SEPTIN9: variants seen among roughly 807,000 people sequenced by gnomAD.
The protein encoded by SEPTIN9 is septin-9.
In SEPTIN9, 13 loss-of-function variants were observed where a neutral mutation model predicts 56.6. That is an observed-to-expected ratio of 0.23 (90% CI 0.15 to 0.37). The LOEUF (loss-of-function observed/expected upper bound fraction) is 0.37. Ranked by LOEUF, SEPTIN9 falls within the 10% of genes least tolerant of loss-of-function variation. The pLI is 1.00. For synonymous variants in SEPTIN9, 332 were observed against 334.1 expected (o/e 0.99, Z 0.07); for missense variants, 650 against 823.1 (o/e 0.79, Z 2.57).
chr17:77,385,164 CT>C (rs530528683), intron 2 of SEPTIN9, among the ~76,000 whole-genome samples: 48,910 of 123,218 alleles, frequency 0.4, 8,769 homozygotes, highest in Non-Finnish European at 0.44. Context: ...AGACCCCCAC[CT>C]TTTTTTTTTT....
At chr17:77,395,074 T>G (rs79691948) in intron 2 of SEPTIN9, among the ~76,000 whole-genome samples, 43 of 127,482 alleles carry the variant, frequency 3.4e-4, no homozygotes, top group Admixed American at 2.2e-3. Flanking sequence ...ATGTGTGTGT[T>G]TTTTTTTTTT....
At chr17:77,284,055 A>G (rs2031157669) in intron 1 of SEPTIN9, among the ~76,000 whole-genome samples, 1 of 152,158 alleles carries the variant, frequency 6.6e-6, no homozygotes, top group Admixed American at 6.6e-5. Flanking sequence ...GTAGTGGAGA[A>G]TAAAAAGGGA....
chr17:77,294,290 C>G (rs748516475), intron 1 of SEPTIN9, among the ~76,000 whole-genome samples: 3 of 151,550 alleles, frequency 2.0e-5, no homozygotes, highest in Non-Finnish European at 4.4e-5. Flanking sequence ...TGTGATGACG[C>G]ACGCCTGTAA....
chr17:77,485,610 T>C (rs2039743482), intron 4 of SEPTIN9, among the ~76,000 whole-genome samples: 1 of 151,986 alleles, frequency 6.6e-6, no homozygotes, highest in East Asian at 1.9e-4. Context: ...CCAGTTGGCA[T>C]CTCCTAGATC....
chr17:77,492,133 G>C lies in SEPTIN9; in HGVS notation c.1381-488G>C, dbSNP rs2040057909. ...CACAAAGTGGGTGTGTCTGCCGGAG[G>C]CTACACACGGGCTGTGGTCTGTGCC... is the stretch of plus-strand genomic sequence containing the variant. On this transcript the variant is annotated intron_variant, in intron 8 of 11. Coordinates refer to ENST00000427177, the MANE Select transcript of SEPTIN9 (RefSeq NM_001113491.2). The surrounding 1 kb of genome is among the most constrained non-coding windows in gnomAD (Gnocchi z 5.4). Among the ~76,000 whole-genome samples, 1 of 152,222 alleles carries C rather than the reference G, an allele frequency of 6.6e-6. No individual in the cohort carries two copies. Among genetic ancestry groups the C allele is most frequent in the Non-Finnish European group, 1.5e-5 (1 of 68,040 alleles).
At chr17:77,336,910 A>G (rs754678058) in intron 2 of SEPTIN9, among the ~76,000 whole-genome samples, 41 of 152,002 alleles carry the variant, frequency 2.7e-4, no homozygotes, top group Admixed American at 5.2e-4. Flanking sequence ...ATTTTAGTAA[A>G]TGCTTTTTCT....
chr17:77,299,583 T>C (rs935255207), intron 1 of SEPTIN9, among the ~76,000 whole-genome samples: 4 of 152,188 alleles, frequency 2.6e-5, no homozygotes, highest in African/African-American at 4.8e-5. Context: ...AAAAAATTGT[T>C]GATTGTTTAT....
At chr17:77,331,011 G>A (rs2033326529) in intron 2 of SEPTIN9, among the ~76,000 whole-genome samples, 1 of 152,198 alleles carries the variant, frequency 6.6e-6, no homozygotes, top group South Asian at 2.1e-4. Flanking sequence ...ATGCCAGCAG[G>A]CCCTGCTGCT....
In SEPTIN9 at chr17:77,492,598, A is replaced by C; in HGVS notation, c.1381-23A>C. Reference sequence around the variant, plus strand: ...TAGAGCTTGCCACAGGGATGGGCCCATCTCTCTCCCTCCTTATCCCAGATC... The same window carrying C: ...TAGAGCTTGCCACAGGGATGGGCCCCTCTCTCTCCCTCCTTATCCCAGATC... On this transcript the variant is annotated intron_variant, in intron 8 of 11. Coordinates refer to ENST00000427177, the MANE Select transcript of SEPTIN9 (RefSeq NM_001113491.2). This position sits in a 1 kb window ranked among gnomAD's most constrained non-coding sequence, Gnocchi z 5.4. The C allele has an allele frequency of 6.2e-7, 1 of 1,608,704 alleles. No individual in the cohort carries two copies. The highest frequency in any genetic ancestry group is 1.1e-5 in the South Asian group (1 of 90,976).
At chr17:77,356,265 T>G (rs988052841) in intron 2 of SEPTIN9, among the ~76,000 whole-genome samples, 1 of 152,144 alleles carries the variant, frequency 6.6e-6, no homozygotes, top group African/African-American at 2.4e-5. Context: ...CTGGGCACCG[T>G]GCACCTGGCA....
At chr17:77,333,675 A>G (rs1257093539) in intron 2 of SEPTIN9, among the ~76,000 whole-genome samples, 1 of 152,224 alleles carries the variant, frequency 6.6e-6, no homozygotes, top group Non-Finnish European at 1.5e-5. Flanking sequence ...TTGCAAAGAT[A>G]TTTATGTTTT....
chr17:77,387,788 G>T (rs2035388053), intron 2 of SEPTIN9, among the ~76,000 whole-genome samples: 1 of 152,098 alleles, frequency 6.6e-6, no homozygotes, highest in Non-Finnish European at 1.5e-5. Context: ...TGTGAACGGG[G>T]CTGGGAGCAG....
At chr17:77,493,477 G>T (rs1273706651) in intron 10 of SEPTIN9, among the ~76,000 whole-genome samples, 1 of 152,196 alleles carries the variant, frequency 6.6e-6, no homozygotes, top group African/African-American at 2.4e-5. Flanking sequence ...CCCTGCTGAA[G>T]TTCCTGGGAC....
intron 2 of SEPTIN9, among the ~76,000 whole-genome samples, chr17:77,328,552 G>T (rs1466461534): frequency 6.6e-6 from 1 of 152,192 alleles, no homozygotes; most frequent in Non-Finnish European, 1.5e-5. Context: ...TTTTAGTAGA[G>T]ATGGGGTTTC....
intron 2 of SEPTIN9, chr17:77,376,512 G>C: frequency 1.8e-6 from 1 of 570,734 alleles, no homozygotes; most frequent in Non-Finnish European, 2.2e-6. Flanking sequence ...GGTTGCTGAG[G>C]GGCGGAGACT....
intron 1 of SEPTIN9, 93 bp from the exon 2 acceptor site, chr17:77,307,048 G>T: frequency 1.6e-6 from 2 of 1,215,570 alleles, no homozygotes; most frequent in Non-Finnish European, 2.4e-6. Context: ...CACAGCAGGA[G>T]CAAAGGCGAG....
chr17:77,422,610 T>G (rs2036745326), intron 3 of SEPTIN9, among the ~76,000 whole-genome samples: 3 of 152,178 alleles, frequency 2.0e-5, no homozygotes, highest in Admixed American at 1.3e-4. Flanking sequence ...CAGGGAGCAC[T>G]CAGGGCTGGT....
chr17:77,378,637 C>T (rs2035021524), intron 2 of SEPTIN9, among the ~76,000 whole-genome samples: 1 of 152,184 alleles, frequency 6.6e-6, no homozygotes, highest in Non-Finnish European at 1.5e-5. Flanking sequence ...AGCATGGTCA[C>T]CACTAATTAT....
At chr17:77,474,139 C>G (rs559819344) in intron 3 of SEPTIN9, among the ~76,000 whole-genome samples, 3 of 152,342 alleles carry the variant, frequency 2.0e-5, no homozygotes, top group African/African-American at 7.2e-5. Flanking sequence ...CAACCTGGGG[C>G]GGCCTCCTGG....
Sources: gnomAD v4.1 joint callset for allele counts (sites outside exome capture counted in the v4.1 genomes callset) on GRCh38, gnomAD v4.1.1 for gene constraint, Gnocchi (gnomAD v3.1) non-coding constraint, MANE v1.5 for transcripts, NCBI Gene and HGNC (gene_info 2026-07-23, HGNC 2026-07-21) for gene names.